The following PTPRK variants were observed in gnomAD, a reference collection of about 807,000 sequenced individuals.
The protein encoded by PTPRK is protein tyrosine phosphatase receptor type K.
A neutral mutation model predicts 178.0 loss-of-function variants in PTPRK; 75 were observed. The ratio of observed to expected loss-of-function variants is 0.42; its 90% CI spans 0.35 to 0.51. PTPRK has a LOEUF of 0.51. PTPRK is among the 20% of genes least tolerant of loss of function. The probability of loss-of-function intolerance (pLI) is 0.02; values close to 1 mark genes in which losing one functional copy is unlikely to be tolerated. For synonymous variants in PTPRK, 637 were observed against 620.6 expected (o/e 1.03, Z -0.39); for missense variants, 1,441 against 1,797.8 (o/e 0.80, Z 3.59).
intron 7 of PTPRK, among the ~76,000 whole-genome samples, chr6:128,164,122 C>T (rs993644933): frequency 6.6e-6 from 1 of 151,416 alleles, no homozygotes; most frequent in South Asian, 2.1e-4. Context: ...AATTACGTAT[C>T]TCCAATTAAT....
chr6:128,048,455 C>G (rs975052376), intron 13 of PTPRK, among the ~76,000 whole-genome samples: 2 of 152,132 alleles, frequency 1.3e-5, no homozygotes, highest in African/African-American at 2.4e-5. Flanking sequence ...TGCTCCTGCC[C>G]TACATGGGTG....
chr6:128,306,899 A>G (rs1035820729), intron 3 of PTPRK, among the ~76,000 whole-genome samples: 1 of 152,170 alleles, frequency 6.6e-6, no homozygotes, highest in Non-Finnish European at 1.5e-5. Context: ...CAGAAATTCA[A>G]GAGGTATACT....
At chr6:128,235,324 A>G (rs1287847771) in intron 5 of PTPRK, 2 of 156,878 alleles carry the variant, frequency 1.3e-5, no homozygotes, top group African/African-American at 4.8e-5. Context: ...TCTAACCTAT[A>G]AAAGTGTACA....
intron 17 of PTPRK, among the ~76,000 whole-genome samples, 200 bp downstream of exon 17, chr6:127,996,701 C>G (rs1777192817): frequency 6.6e-6 from 1 of 152,112 alleles, no homozygotes; most frequent in African/African-American, 2.4e-5. Context: ...AACCTCCTGA[C>G]CTCAGGTGAT....
chr6:128,323,623 G>C (rs977644095), intron 2 of PTPRK, among the ~76,000 whole-genome samples: 1 of 152,158 alleles, frequency 6.6e-6, no homozygotes, highest in African/African-American at 2.4e-5. Context: ...ATGGCAGAGA[G>C]GATGGTGTCA....
chr6:128,272,408 A>G lies in PTPRK; in HGVS notation c.496-29806T>C, dbSNP rs1583825357. ...CTGCACAGCAAAAGAAACTACCATC[A>G]GAGTGAACAGGCAACTTACAGAATG... On this transcript the variant is annotated intron_variant, in intron 3 of 29. Transcript: ENST00000368226. Among the ~76,000 whole-genome samples the G allele has an allele frequency of 3.3e-5, 5 of 152,332 alleles. No homozygotes were observed. The South Asian group carries it at 1.0e-3, about 32-fold the overall frequency.
At chr6:128,131,401 A>G (rs1455535433) in intron 7 of PTPRK, among the ~76,000 whole-genome samples, 1 of 152,148 alleles carries the variant, frequency 6.6e-6, no homozygotes, top group Non-Finnish European at 1.5e-5. Context: ...CATCGGATGA[A>G]CGACCACTAT....
chr6:128,436,857 T>C (rs1380123994), intron 1 of PTPRK, among the ~76,000 whole-genome samples: 1 of 152,148 alleles, frequency 6.6e-6, no homozygotes, highest in Non-Finnish European at 1.5e-5. Context: ...GAAACAAGAA[T>C]TGCTGTTCAA....
At chr6:128,457,792 C>T (rs955533632) in intron 1 of PTPRK, among the ~76,000 whole-genome samples, 2 of 152,094 alleles carry the variant, frequency 1.3e-5, no homozygotes, top group Non-Finnish European at 2.9e-5. Flanking sequence ...CACATATGCA[C>T]AGATATGTGC....
chr6:128,123,116 A>G (rs1271197979), intron 7 of PTPRK, among the ~76,000 whole-genome samples: 1 of 152,224 alleles, frequency 6.6e-6, no homozygotes, highest in African/African-American at 2.4e-5. Context: ...AAAAGGAGAA[A>G]ACAGAAACAT....
At chr6:128,312,201 C>G (rs767712256) in intron 3 of PTPRK, among the ~76,000 whole-genome samples, 2 of 152,162 alleles carry the variant, frequency 1.3e-5, no homozygotes, top group Non-Finnish European at 2.9e-5. Context: ...TTCTAGTATT[C>G]GGGTCTTTTG....
At chr6:128,083,689 A>G in intron 9 of PTPRK, 26 bp downstream of exon 9, 2 of 1,429,138 alleles carry the variant, frequency 1.4e-6, no homozygotes, top group Non-Finnish European at 1.9e-6. Context: ...TCCACATTTC[A>G]ATTAACTTCC....
At chr6:128,086,366 T>TA (rs142126156) in intron 8 of PTPRK, among the ~76,000 whole-genome samples, 4,487 of 152,198 alleles carry the variant, frequency 0.029, 221 homozygotes, top group African/African-American at 0.1. Flanking sequence ...TATTGATTTT[T>TA]TGAATGCTGG....
intron 2 of PTPRK, among the ~76,000 whole-genome samples, chr6:128,358,971 C>T (rs1020092244): frequency 1.3e-5 from 2 of 152,128 alleles, no homozygotes; most frequent in African/African-American, 4.8e-5. Flanking sequence ...ACAGCTTTTA[C>T]TTATGTGATA....
rs1562576584 is a variant in PTPRK at position 128,464,646 on chromosome 6, T to TAC, written c.100+55612_100+55613insGT. 3.3e-5 allele frequency among the ~76,000 whole-genome samples: 3 copies of TAC among 91,006 alleles called. 1 individual carries two copies. The highest frequency in any genetic ancestry group is 5.4e-5 in the African/African-American group (1 of 18,374). The allele number at this position is 91,006 out of a possible 152,430, so 59.7% of individuals were successfully genotyped here. ...ATATATATATATATACACATATATA[T>TAC]ATATATATATATATATATATATATA... On this transcript the variant is annotated intron_variant, in intron 1 of 29. Coordinates refer to ENST00000368226, the MANE Select transcript of PTPRK (RefSeq NM_002844.4).
chr6:128,006,149 TA>T lies in PTPRK; in HGVS notation c.2334-906del, dbSNP rs1246758118. On this transcript the variant is annotated intron_variant, in intron 14 of 29. Coordinates refer to ENST00000368226, the MANE Select transcript of PTPRK (RefSeq NM_002844.4). ...TTCAATAAAGCAGAAAAATGTGCGT[TA>T]AAAAATAAAATAAAATAAAATAAAA... The T allele has an allele frequency of 1.1e-5, 9 of 789,428 alleles. No homozygotes were observed. In the African/African-American group the frequency reaches 1.3e-4, roughly 11 times the overall value. The allele number at this position is 789,428 out of a possible 1,614,324, so 48.9% of individuals were successfully genotyped here.
chr6:128,317,942 TAATA>T (rs966070312), intron 3 of PTPRK, among the ~76,000 whole-genome samples: 3 of 152,132 alleles, frequency 2.0e-5, no homozygotes, highest in African/African-American at 7.2e-5. Flanking sequence ...GGAGAATAAC[TAATA>T]AATAGACAAC....
chr6:128,487,487 C>A (rs1317700727), intron 1 of PTPRK, among the ~76,000 whole-genome samples: 1 of 151,840 alleles, frequency 6.6e-6, no homozygotes, highest in Non-Finnish European at 1.5e-5. Flanking sequence ...AAGGCAACTC[C>A]TCTCCTCCAA....
chr6:128,456,399 A>G (rs1848401516), intron 1 of PTPRK, among the ~76,000 whole-genome samples: 1 of 152,122 alleles, frequency 6.6e-6, no homozygotes, highest in South Asian at 2.1e-4. Flanking sequence ...TAGATTCAAC[A>G]AAATTTGTAA....
Sources: allele counts gnomAD v4.1 joint callset (sites outside exome capture counted in the v4.1 genomes callset), GRCh38; gene constraint gnomAD v4.1.1; transcripts MANE v1.5; gene names NCBI Gene and HGNC (gene_info 2026-07-23, HGNC 2026-07-21).